NKAIN4: variants seen among roughly 807,000 people sequenced by gnomAD.
The protein encoded by NKAIN4 is sodium/potassium transporting ATPase interacting 4.
Under a neutral mutation model 28.8 loss-of-function variants are expected in NKAIN4, and 28 were observed. The observed-to-expected ratio is 0.97, with a 90% CI of 0.72 to 1.33. The LOEUF (loss-of-function observed/expected upper bound fraction) is 1.33. Among genes scored for constraint, NKAIN4 ranks in the 40% most tolerant of loss-of-function variants. The pLI, the probability that NKAIN4 is intolerant of heterozygous loss-of-function variation, is 0.00. For synonymous variants in NKAIN4, 122 were observed against 115.6 expected (o/e 1.06, Z -0.36); for missense variants, 289 against 277.2 (o/e 1.04, Z -0.30).
At chr20:63,246,175 G>A (rs2066853440) in intron 4 of NKAIN4, among the ~76,000 whole-genome samples, 1 of 152,182 alleles carries the variant, frequency 6.6e-6, no homozygotes, top group African/African-American at 2.4e-5. Flanking sequence ...TGATCCGCCT[G>A]CCTCGGCCTC....
In NKAIN4 at chr20:63,248,766, G is replaced by A. The variant is rs2066904391; in HGVS notation, c.273+49C>T. On this transcript the variant is annotated intron_variant, in intron 3 of 6. Coordinates refer to ENST00000370316, the MANE Select transcript of NKAIN4 (RefSeq NM_152864.4). ...CACAGGGGGTGTTACCAGGGGCCCG[G>A]CCCAGACCCCAGGGAAGGACCTCGC... The A allele has an allele frequency of 3.1e-6, 4 of 1,287,390 alleles. No individual in the cohort carries two copies. In the South Asian group the frequency reaches 3.6e-5, roughly 12 times the overall value. 79.7% of individuals were successfully genotyped at this position (1,287,390 alleles called of 1,614,324 possible).
intron 1 of NKAIN4, among the ~76,000 whole-genome samples, chr20:63,250,393 C>T (rs191723989): frequency 3.2e-4 from 49 of 152,304 alleles, no homozygotes; most frequent in Non-Finnish European, 5.0e-4. Flanking sequence ...CCCCTCTGTC[C>T]CCAGTTTCCT....
intron 4 of NKAIN4, chr20:63,246,601 C>T (rs2066862138): frequency 2.0e-6 from 2 of 985,236 alleles, no homozygotes. Context: ...GGCCATGGAG[C>T]CTCGCTCCTG....
chr20:63,254,798 G>A, upstream of NKAIN4: 1 of 211,544 alleles, frequency 4.7e-6, no homozygotes, highest in Non-Finnish European at 9.4e-6. Context: ...ACCGGCGTCC[G>A]CCCCCTCCTG....
At chr20:63,242,698 CCAGA>C (rs1003936053) in intron 5 of NKAIN4, 75 bp from the exon 6 acceptor site, 16 of 1,242,128 alleles carry the variant, frequency 1.3e-5, no homozygotes, top group Admixed American at 1.7e-5. Context: ...ACAAGCCCAA[CCAGA>C]CAAAGAAGCC....
rs558620258 is a variant in NKAIN4, at chr20:63,245,053, C to T, written c.472-969G>A. Among the ~76,000 whole-genome samples, 74 of 152,312 alleles carry T rather than the reference C, an allele frequency of 4.9e-4. No homozygotes were observed. The highest frequency in any genetic ancestry group is 9.8e-4 in the Admixed American group (15 of 15,310). On this transcript the variant is annotated intron_variant, in intron 4 of 6. Coordinates refer to ENST00000370316, the MANE Select transcript of NKAIN4 (RefSeq NM_152864.4). This position sits in a 1 kb window ranked among gnomAD's most constrained non-coding sequence, Gnocchi z 4.7. ...CGTGCCCAGGAGAGGAGACAGGACACGCAGGCCAGGCCCCAGGGCTGGACA... is the reference window on the plus strand; with the variant it reads ...CGTGCCCAGGAGAGGAGACAGGACATGCAGGCCAGGCCCCAGGGCTGGACA...
upstream of NKAIN4, chr20:63,254,605 A>G: frequency 2.0e-6 from 1 of 509,894 alleles, no homozygotes; most frequent in Non-Finnish European, 3.0e-6. Flanking sequence ...AGCCCCGGGT[A>G]ACAGCTGCGC....
At chr20:63,241,835 T>C in intron 6 of NKAIN4, 1 of 488,914 alleles carries the variant, frequency 2.0e-6, no homozygotes. Context: ...CCTTCCCAGG[T>C]CTTTATTCCC....
intron 2 of NKAIN4, chr20:63,249,133 C>G (rs982922457): frequency 3.0e-5 from 16 of 526,012 alleles, no homozygotes; most frequent in Non-Finnish European, 4.8e-5. Flanking sequence ...ACAGCCAGCT[C>G]AAGGGAGCCC....
chr20:63,254,527 C>T, upstream of NKAIN4: 3 of 1,113,760 alleles, frequency 2.7e-6, no homozygotes, highest in South Asian at 9.7e-5. Context: ...CCCCACGCGC[C>T]GCAGCCTGGA....
Position 63,242,635 on chromosome 20 carries a change from C to A in NKAIN4, c.533-12G>T. 6.2e-7 allele frequency: 1 copy of A among 1,601,596 alleles called. No individual in the cohort carries two copies. Among genetic ancestry groups the A allele is most frequent in the Non-Finnish European group, 8.6e-7 (1 of 1,169,050 alleles). ...ACCAATGAAATCAACTGAAAGAAATCAAGACCCAAATAAAACAAAACCTAC... is the reference window on the plus strand; with the variant it reads ...ACCAATGAAATCAACTGAAAGAAATAAAGACCCAAATAAAACAAAACCTAC... On this transcript the variant is annotated splice_polypyrimidine_tract_variant and intron_variant, in intron 5 of 6. Coordinates refer to ENST00000370316, the MANE Select transcript of NKAIN4 (RefSeq NM_152864.4).
In NKAIN4 at chr20:63,241,612, C is replaced by T. The variant is rs187633087; in HGVS notation, c.618-106G>A. 4.0e-6 allele frequency: 4 copies of T among 989,150 alleles called. No individual in the cohort carries two copies. The East Asian group carries it at 7.9e-5, about 19-fold the overall frequency. The allele number at this position is 989,150 out of a possible 1,614,324, so 61.3% of individuals were successfully genotyped here. ...AACCTGAAATGGAACAAAGTCCAAG[C>T]AGTGGACGGCTTCAGGCCTTTGGCA... On this transcript the variant is annotated intron_variant, in intron 6 of 6. Coordinates refer to ENST00000370316, the MANE Select transcript of NKAIN4 (RefSeq NM_152864.4).
At position 63,245,626 on chromosome 20, in the gene NKAIN4, T is replaced by G. The variant is rs141010708; in HGVS notation, c.472-1542A>C. ...GCACCCCAACCCCCAGAGCCTGGCC[T>G]TGTCAGACGACTCTCTTGCCACCAC... On this transcript the variant is annotated intron_variant, in intron 4 of 6. Coordinates refer to ENST00000370316, the MANE Select transcript of NKAIN4 (RefSeq NM_152864.4). This position sits in a 1 kb window ranked among gnomAD's most constrained non-coding sequence, Gnocchi z 4.7. Among the ~76,000 whole-genome samples the G allele has an allele frequency of 2.8e-4, 43 of 152,220 alleles. No individual in the cohort carries two copies. Among genetic ancestry groups the G allele is most frequent in the Admixed American group, 8.5e-4 (13 of 15,306 alleles).
At chr20:63,249,214 T>G in intron 2 of NKAIN4, 1 of 379,782 alleles carries the variant, frequency 2.6e-6, no homozygotes. Flanking sequence ...CTCACCGGGC[T>G]GACATTACAC....
intron 3 of NKAIN4, 39 bp from the exon 4 acceptor site, chr20:63,247,814 G>A (rs1311564838): frequency 7.0e-7 from 1 of 1,421,670 alleles, no homozygotes; most frequent in Non-Finnish European, 9.2e-7. Context: ...GTTAGCACCA[G>A]GAGGTGGGCG....
chr20:63,242,485 G>T lies in NKAIN4; in HGVS notation c.617+54C>A, dbSNP rs2066773242. 2.7e-5 allele frequency: 35 copies of T among 1,295,786 alleles called. 1 individual carries two copies. In the South Asian group the frequency reaches 3.7e-4, roughly 14 times the overall value. The allele number at this position is 1,295,786 out of a possible 1,614,324, so 80.3% of individuals were successfully genotyped here. A position where few individuals can be genotyped will look rare whatever the true frequency, so the allele number is the denominator to read the frequency against. On this transcript the variant is annotated intron_variant, in intron 6 of 6. Transcript: ENST00000370316. ...CCCAAGGAAGGCAGCCTCTCGCTGTGAGGGCCAGATTGGCCAGGCTGGCCG... is the reference window on the plus strand; with the variant it reads ...CCCAAGGAAGGCAGCCTCTCGCTGTTAGGGCCAGATTGGCCAGGCTGGCCG...
chr20:63,240,910 C>A lies in NKAIN4; in HGVS notation c.*587G>T. 6.4e-6 allele frequency: 1 copy of A among 155,644 alleles called. No individual in the cohort carries two copies. The highest frequency in any genetic ancestry group is 6.3e-5 in the Admixed American group (1 of 15,992). 9.6% of individuals were successfully genotyped at this position (155,644 alleles called of 1,614,324 possible). A position where few individuals can be genotyped will look rare whatever the true frequency, so the allele number is the denominator to read the frequency against. The stretch of plus-strand genomic sequence containing the variant: ...TCACCACCATGTGCCCTGCCCTATG[C>A]CTTGGGGCCTGGCTCTGCTGTTCCT... On this transcript the variant is annotated 3_prime_UTR_variant, in exon 7 of 7. Coordinates refer to ENST00000370316, the MANE Select transcript of NKAIN4 (RefSeq NM_152864.4).
rs2066848772 is a variant in NKAIN4, at chr20:63,246,000, T to C, written c.471+1578A>G. Among the ~76,000 whole-genome samples the C allele has an allele frequency of 6.6e-6, 1 of 151,484 alleles. No homozygotes were observed. On this transcript the variant is annotated intron_variant, in intron 4 of 6. Transcript: ENST00000370316. The surrounding 1 kb of genome is among the most constrained non-coding windows in gnomAD (Gnocchi z 4.7). ...TGGAGTGCAGTGGCGTGATCTCTGC[T>C]CACTGCAAGCTCTGCCTCCCGGGTT... is the stretch of plus-strand genomic sequence containing the variant.
intron 2 of NKAIN4, chr20:63,249,188 C>T (rs903236453): frequency 9.2e-6 from 4 of 433,578 alleles, no homozygotes; most frequent in South Asian, 2.1e-5. Flanking sequence ...GCTGAGCTGC[C>T]GTGACCTGTC....
Sources: gnomAD v4.1 joint callset for allele counts (sites outside exome capture counted in the v4.1 genomes callset) on GRCh38, gnomAD v4.1.1 for gene constraint, Gnocchi (gnomAD v3.1) non-coding constraint, MANE v1.5 for transcripts, NCBI Gene and HGNC (gene_info 2026-07-23, HGNC 2026-07-21) for gene names.